The following GRIK2 variants were observed in gnomAD, a reference collection of about 807,000 sequenced individuals.
GRIK2 encodes the protein glutamate ionotropic receptor kainate type subunit 2.
A neutral mutation model predicts 100.3 loss-of-function variants in GRIK2; 32 were observed. That is an observed-to-expected ratio of 0.32 (90% CI 0.24 to 0.43). The LOEUF (loss-of-function observed/expected upper bound fraction) is 0.43. Ranked by LOEUF, GRIK2 falls within the 20% of genes least tolerant of loss-of-function variation. GRIK2 has a pLI of 1.00. For missense variants in GRIK2, 843 were observed against 1,114.9 expected, an observed-to-expected ratio of 0.76 and a Z score of 3.47; for synonymous variants, 417 against 389.4, an observed-to-expected ratio of 1.07 and a Z score of -0.83.
intron 14 of GRIK2, among the ~76,000 whole-genome samples, chr6:102,019,393 T>C (rs977372806): frequency 5.9e-5 from 9 of 152,018 alleles, no homozygotes; most frequent in Non-Finnish European, 1.5e-5. Context: ...AACTGTAAAA[T>C]GCACTTCCTC....
intron 7 of GRIK2, among the ~76,000 whole-genome samples, chr6:101,707,907 A>G (rs1483624241): frequency 9.2e-5 from 14 of 151,690 alleles, no homozygotes; most frequent in Non-Finnish European, 2.9e-5. Context: ...GTGAATGTTC[A>G]TTGAATGCCA....
chr6:101,619,420 G>A (rs963466108), intron 2 of GRIK2, among the ~76,000 whole-genome samples: 2 of 151,492 alleles, frequency 1.3e-5, no homozygotes, highest in African/African-American at 2.4e-5. Flanking sequence ...ACTTAAAGTC[G>A]AATTTGAATT....
Position 101,652,101 on chromosome 6 carries a change from G to A in GRIK2, c.542-24522G>A, listed in dbSNP as rs187306266. ...GGCAATCTTGCCAAGAAAAGTTTCC[G>A]TGGAGTGATGGAGGTTAAAACTTGA... On this transcript the variant is annotated intron_variant, in intron 4 of 16. Transcript: ENST00000369134. 5.9e-5 allele frequency among the ~76,000 whole-genome samples: 9 copies of A among 152,262 alleles called. No individual in the cohort carries two copies. The South Asian group carries it at 6.2e-4, about 11-fold the overall frequency.
intron 14 of GRIK2, among the ~76,000 whole-genome samples, chr6:101,977,208 A>G (rs1471393732): frequency 1.3e-5 from 2 of 150,502 alleles, no homozygotes; most frequent in African/African-American, 4.9e-5. Flanking sequence ...AATAGAATGT[A>G]GTATATACCT....
At chr6:102,050,979 C>T (rs968569673) in intron 15 of GRIK2, among the ~76,000 whole-genome samples, 2 of 152,060 alleles carry the variant, frequency 1.3e-5, no homozygotes, top group African/African-American at 2.4e-5. Flanking sequence ...GAGAGATTCT[C>T]ATGAAATCAC....
At chr6:101,470,682 T>C (rs1023775373) in intron 2 of GRIK2, among the ~76,000 whole-genome samples, 1 of 152,068 alleles carries the variant, frequency 6.6e-6, no homozygotes, top group Non-Finnish European at 1.5e-5. Flanking sequence ...ACTCAGACTT[T>C]GTGAGTCTTT....
chr6:101,673,127 C>T (rs779448675), intron 4 of GRIK2, among the ~76,000 whole-genome samples: 4 of 152,114 alleles, frequency 2.6e-5, no homozygotes, highest in Non-Finnish European at 5.9e-5. Flanking sequence ...ACAAAGGTCT[C>T]ATTTCCAGAA....
At chr6:101,574,553 A>T (rs1023159555) in intron 2 of GRIK2, among the ~76,000 whole-genome samples, 2 of 150,922 alleles carry the variant, frequency 1.3e-5, no homozygotes, top group East Asian at 3.9e-4. Context: ...TGGCAAAAAA[A>T]TTGACGAATT....
At chr6:101,683,715 A>G (rs1381289519) in intron 6 of GRIK2, among the ~76,000 whole-genome samples, 3 of 152,336 alleles carry the variant, frequency 2.0e-5, no homozygotes, top group African/African-American at 7.2e-5. Flanking sequence ...TGTAATATTT[A>G]TGAATTACTG....
intron 2 of GRIK2, among the ~76,000 whole-genome samples, chr6:101,453,394 A>C (rs1226798446): frequency 6.6e-6 from 1 of 151,966 alleles, no homozygotes; most frequent in Non-Finnish European, 1.5e-5. Flanking sequence ...AGGGTATTAC[A>C]CTACATTTTG....
At chr6:101,755,224 T>A (rs1455841728) in intron 7 of GRIK2, among the ~76,000 whole-genome samples, 1 of 142,470 alleles carries the variant, frequency 7.0e-6, no homozygotes, top group Admixed American at 7.5e-5. Flanking sequence ...TGGAGTGCAG[T>A]GGCACGATCT....
At chr6:101,455,968 C>G (rs192907062) in intron 2 of GRIK2, among the ~76,000 whole-genome samples, 1 of 151,902 alleles carries the variant, frequency 6.6e-6, no homozygotes, top group African/African-American at 2.4e-5. Context: ...AGTAGTTTTT[C>G]CAGAATTGAG....
At chr6:101,579,426 T>G (rs973630828) in intron 2 of GRIK2, among the ~76,000 whole-genome samples, 4 of 152,160 alleles carry the variant, frequency 2.6e-5, no homozygotes, top group Non-Finnish European at 5.9e-5. Context: ...TTTATCTTTC[T>G]TTATCTTTTA....
intron 12 of GRIK2, among the ~76,000 whole-genome samples, chr6:101,910,350 C>A (rs1340284): frequency 0.76 from 114,731 of 150,910 alleles, 44,315 homozygotes; most frequent in East Asian, 0.94. Flanking sequence ...TTTTTTAAAT[C>A]TTGATTTTAA....
intron 4 of GRIK2, among the ~76,000 whole-genome samples, chr6:101,665,867 A>G (rs1769993084): frequency 6.6e-6 from 1 of 152,158 alleles, no homozygotes; most frequent in Non-Finnish European, 1.5e-5. Flanking sequence ...TGGAAAGGTG[A>G]GTTGCTGTTA....
intron 14 of GRIK2, among the ~76,000 whole-genome samples, chr6:101,974,821 T>C (rs969408537): frequency 6.6e-6 from 1 of 151,908 alleles, no homozygotes; most frequent in Non-Finnish European, 1.5e-5. Context: ...AAACTAACTA[T>C]CACAGCAATA....
At chr6:101,504,749 A>T (rs1038614048) in intron 2 of GRIK2, among the ~76,000 whole-genome samples, 5 of 152,082 alleles carry the variant, frequency 3.3e-5, no homozygotes, top group African/African-American at 9.7e-5. Flanking sequence ...ACATATAAAA[A>T]AATAAGGTAA....
intron 5 of GRIK2, among the ~76,000 whole-genome samples, chr6:101,682,008 G>A (rs1366450023): frequency 6.6e-6 from 1 of 152,078 alleles, no homozygotes; most frequent in Non-Finnish European, 1.5e-5. Context: ...ACAGTAATTT[G>A]TGACTAGTTT....
intron 2 of GRIK2, among the ~76,000 whole-genome samples, chr6:101,611,606 G>C (rs141817796): frequency 6.6e-6 from 1 of 151,882 alleles, no homozygotes; most frequent in African/African-American, 2.4e-5. Context: ...GAAAATACTG[G>C]AGCCAGTCTT....
Sources: allele counts gnomAD v4.1 joint callset (sites outside exome capture counted in the v4.1 genomes callset), GRCh38; gene constraint gnomAD v4.1.1; transcripts MANE v1.5; gene names NCBI Gene and HGNC (gene_info 2026-07-23, HGNC 2026-07-21).